Variants in DCAF6 observed in about 807,000 individuals in gnomAD.
The protein encoded by DCAF6 is DDB1 and CUL4 associated factor 6, also known as DDB1- and CUL4-associated factor 6.
DCAF6 carries 54 observed loss-of-function variants against 125.1 expected under a neutral mutation model. The observed-to-expected ratio is 0.43, with a 90% CI of 0.35 to 0.54. The LOEUF (loss-of-function observed/expected upper bound fraction) is 0.54, where lower values mean the gene tolerates loss of function less well. DCAF6 is among the 20% of genes least tolerant of loss of function. The pLI, the probability that DCAF6 is intolerant of heterozygous loss-of-function variation, is 0.01. For missense variants in DCAF6, 934 were observed against 1,161.7 expected (o/e 0.80, Z 2.85); for synonymous variants, 371 against 390.4 (o/e 0.95, Z 0.58).
chr1:167,988,170 T>C (rs1680286830), intron 5 of DCAF6, among the ~76,000 whole-genome samples: 1 of 151,894 alleles, frequency 6.6e-6, no homozygotes. Context: ...AATTAATTAA[T>C]TTTTTTTGAG....
intron 3 of DCAF6, among the ~76,000 whole-genome samples, chr1:167,967,714 CTTTTTTTT>C (rs552208317): frequency 1.6e-4 from 12 of 74,578 alleles, no homozygotes; most frequent in African/African-American, 5.3e-4. Context: ...TTTCCTGTAT[CTTTTTTTT>C]TTTTTTTTTT....
At chr1:168,002,159 G>A (rs549039360) in intron 7 of DCAF6, among the ~76,000 whole-genome samples, 79 of 152,224 alleles carry the variant, frequency 5.2e-4, no homozygotes, top group African/African-American at 1.9e-3. Flanking sequence ...GGCTCAAGAT[G>A]GTTAAAAATA....
intron 1 of DCAF6, among the ~76,000 whole-genome samples, chr1:167,947,467 A>G (rs1341721874): frequency 4.0e-5 from 6 of 151,442 alleles, no homozygotes; most frequent in Non-Finnish European, 8.8e-5. Context: ...TTAGATTATT[A>G]ACTTGTAATC....
intron 16 of DCAF6, among the ~76,000 whole-genome samples, chr1:168,048,159 C>A (rs77009797): frequency 0.03 from 4,565 of 152,186 alleles, 203 homozygotes; most frequent in African/African-American, 0.1. Flanking sequence ...TCTGTTGTAA[C>A]AATCATACCA....
the DCAF6 span, among the ~76,000 whole-genome samples, chr1:167,870,035 C>T: frequency 6.6e-6 from 1 of 152,164 alleles, no homozygotes; most frequent in African/African-American, 2.4e-5. Context: ...ATAACCAAGC[C>T]CTTCCTGGCA....
intron 11 of DCAF6, among the ~76,000 whole-genome samples, chr1:168,020,306 A>G (rs930205239): frequency 6.6e-6 from 1 of 152,108 alleles, no homozygotes; most frequent in Non-Finnish European, 1.5e-5. Flanking sequence ...GAGTAGAAAA[A>G]CCACATTTGA....
the DCAF6 span, chr1:167,899,471 G>A: frequency 5.0e-6 from 8 of 1,614,192 alleles, no homozygotes; most frequent in Middle Eastern, 1.6e-4. Context: ...TCATGCTCCG[G>A]TCACAGAGCT....
intron 1 of DCAF6, among the ~76,000 whole-genome samples, chr1:167,946,149 G>T (rs1278587765): frequency 1.3e-5 from 2 of 151,968 alleles, no homozygotes; most frequent in African/African-American, 4.8e-5. Flanking sequence ...TAGAGACAGG[G>T]TTTCACCATG....
the DCAF6 span, among the ~76,000 whole-genome samples, chr1:167,909,363 A>C: frequency 1.3e-5 from 2 of 152,094 alleles, no homozygotes; most frequent in African/African-American, 4.8e-5. Context: ...TGTTTTGGTG[A>C]AAAGATGTAT....
chr1:168,029,581 A>G (rs573876617), intron 12 of DCAF6, among the ~76,000 whole-genome samples: 4 of 152,292 alleles, frequency 2.6e-5, no homozygotes, highest in African/African-American at 9.6e-5. Context: ...GCTTGGAGCA[A>G]TTTTTTATAT....
chr1:167,899,627 TC>T, the DCAF6 span: 1 of 1,613,754 alleles, frequency 6.2e-7, no homozygotes, highest in Non-Finnish European at 8.5e-7. Flanking sequence ...CAGCAGCCAG[TC>T]CTGGCAAGAA....
the DCAF6 span, among the ~76,000 whole-genome samples, chr1:167,900,922 A>G: frequency 1.3e-5 from 2 of 152,218 alleles, no homozygotes; most frequent in Non-Finnish European, 2.9e-5. Flanking sequence ...TGATCCTATC[A>G]GGTATGACAT....
chr1:167,937,346 AGCTCTTTT>A (rs1406518448), intron 1 of DCAF6: 1 of 294,986 alleles, frequency 3.4e-6, no homozygotes, highest in East Asian at 9.1e-5. Flanking sequence ...AGCAAAAGTT[AGCTCTTTT>A]GCTCTTTTCC....
intron 12 of DCAF6, among the ~76,000 whole-genome samples, chr1:168,026,002 CT>C (rs1255206889): frequency 3.9e-5 from 6 of 152,188 alleles, no homozygotes; most frequent in Non-Finnish European, 7.4e-5. Context: ...CTGTACATCT[CT>C]TGTACATGCT....
At chr1:167,987,164 A>G (rs1480252874) in intron 4 of DCAF6, among the ~76,000 whole-genome samples, 1 of 152,200 alleles carries the variant, frequency 6.6e-6, no homozygotes, top group Admixed American at 6.5e-5. Flanking sequence ...AAACATAAAA[A>G]TTAAGCTTTG....
intron 11 of DCAF6, chr1:168,019,621 C>T (rs1449830102): frequency 2.4e-6 from 1 of 412,608 alleles, no homozygotes; most frequent in Non-Finnish European, 5.0e-6. Flanking sequence ...CTGACCTAAC[C>T]ACCACAGAGC....
At chr1:168,045,627 T>C (rs182921227) in intron 16 of DCAF6, among the ~76,000 whole-genome samples, 28 of 152,312 alleles carry the variant, frequency 1.8e-4, no homozygotes, top group Non-Finnish European at 3.8e-4. Context: ...TGCTTTTCTA[T>C]TGACCCTGGA....
rs761876903 is a variant in DCAF6 at position 167,991,313 on chromosome 1, G to T, written c.662G>T (p.Arg221Leu). The change falls in exon 6 of 22, where the codon CGG becomes CTG. Residue 221 changes from arginine (R) to leucine (L), a missense_variant. By Grantham distance (102) the Arg-to-Leu change is moderately radical (BLOSUM62 -2). This residue lies in a region of DCAF6 where 309 missense variants were observed against 381.2 expected (regional missense o/e 0.81). Transcript: ENST00000367840. ...GACAGCTCAGTACGAATATATGATC[G>T]GCGAATGCTGGGCACAAGAGCTACA... ...CSDSSVRIYD[R>L]RMLGTRATGN... 9 of 1,612,298 alleles carry T rather than the reference G, an allele frequency of 5.6e-6. No individual in the cohort carries two copies. The highest frequency in any genetic ancestry group is 7.6e-6 in the Non-Finnish European group (9 of 1,179,154).
chr1:168,009,351 CT>C (rs1325895313), intron 10 of DCAF6, among the ~76,000 whole-genome samples: 2 of 95,374 alleles, frequency 2.1e-5, no homozygotes, highest in African/African-American at 5.2e-5. Context: ...TCCTCCCTTC[CT>C]TCCTTCCTTC....
Sources: allele counts gnomAD v4.1 joint callset (sites outside exome capture counted in the v4.1 genomes callset), GRCh38; gene constraint gnomAD v4.1.1; regional missense constraint gnomAD v4.1.1; transcripts MANE v1.5; gene names NCBI Gene and HGNC (gene_info 2026-07-23, HGNC 2026-07-21).